The following SYT10 variants were observed in gnomAD, a reference collection of about 807,000 sequenced individuals.
SYT10 encodes the protein synaptotagmin-10.
A neutral mutation model predicts 51.1 loss-of-function variants in SYT10; 31 were observed. That is an observed-to-expected ratio of 0.61 (90% CI 0.46 to 0.82). The LOEUF (loss-of-function observed/expected upper bound fraction) is 0.82. SYT10 is among the 40% of genes least tolerant of loss of function. The pLI is 0.00. For missense variants in SYT10, 603 were observed against 634.0 expected (o/e 0.95, Z 0.53); for synonymous variants, 233 against 225.9 (o/e 1.03, Z -0.28).
intron 6 of SYT10, among the ~76,000 whole-genome samples, chr12:33,378,814 CTGTGTGTGTGTGTGTG>C (rs56373564): frequency 6.9e-6 from 1 of 145,182 alleles, no homozygotes; most frequent in South Asian, 2.2e-4. Context: ...GACTGGGTAT[CTGTGTGTGTGTGTGTG>C]TGTGTGTGTG....
chr12:33,377,562 C>T (rs547254066), intron 6 of SYT10, among the ~76,000 whole-genome samples: 1 of 151,932 alleles, frequency 6.6e-6, no homozygotes, highest in East Asian at 1.9e-4. Flanking sequence ...TATGTATTTA[C>T]AAAGTTTAAT....
intron 4 of SYT10, among the ~76,000 whole-genome samples, chr12:33,382,844 A>G (rs1419495010): frequency 6.6e-6 from 1 of 152,216 alleles, no homozygotes; most frequent in Admixed American, 6.5e-5. Flanking sequence ...AAAAGGACCT[A>G]AAATTAAAAA....
At chr12:33,396,884 C>A (rs1565493243) in intron 3 of SYT10, among the ~76,000 whole-genome samples, 1 of 152,126 alleles carries the variant, frequency 6.6e-6, no homozygotes, top group Non-Finnish European at 1.5e-5. Flanking sequence ...GTGATCCACT[C>A]ACCTCGGCCT....
intron 2 of SYT10, among the ~76,000 whole-genome samples, chr12:33,419,272 G>A (rs1466351550): frequency 6.6e-6 from 1 of 152,130 alleles, no homozygotes; most frequent in East Asian, 1.9e-4. Flanking sequence ...AAGAATGTGT[G>A]TGTGTGGGGG....
rs577135268 is a variant in SYT10 at position 33,390,159 on chromosome 12, G to A, written c.1078-4868C>T. Among the ~76,000 whole-genome samples the A allele has an allele frequency of 9.2e-5, 14 of 152,318 alleles. 1 individual carries two copies. The South Asian group carries it at 2.7e-3, about 29-fold the overall frequency. ...GGCTTTGTTTGCTATAGTCCTGGCG[G>A]AGCCTCCTTGAAAAGACCACAAACA... is the stretch of plus-strand genomic sequence containing the variant. On this transcript the variant is annotated intron_variant, in intron 3 of 6. Transcript: ENST00000228567.
chr12:33,423,897 T>C, intron 2 of SYT10: 1 of 454,436 alleles, frequency 2.2e-6, no homozygotes, highest in South Asian at 1.6e-5. Context: ...TGGGGATAAT[T>C]AATAATACTT....
chr12:33,423,114 A>G (rs578176736), intron 2 of SYT10, among the ~76,000 whole-genome samples: 1 of 152,272 alleles, frequency 6.6e-6, no homozygotes. Context: ...AAAGGAGATG[A>G]TAACTTGAAA....
chr12:33,409,920 T>C (rs773385785), intron 2 of SYT10, among the ~76,000 whole-genome samples: 1 of 152,194 alleles, frequency 6.6e-6, no homozygotes, highest in East Asian at 1.9e-4. Flanking sequence ...AGGACTGTCA[T>C]GACAGCATTT....
chr12:33,385,524 C>CA (rs1465353970), intron 3 of SYT10, among the ~76,000 whole-genome samples: 1 of 152,220 alleles, frequency 6.6e-6, no homozygotes, highest in Non-Finnish European at 1.5e-5. Flanking sequence ...ATAGTCAAAA[C>CA]CAGACTACTG....
intron 1 of SYT10, among the ~76,000 whole-genome samples, chr12:33,435,006 A>T (rs576075090): frequency 2.0e-5 from 3 of 152,310 alleles, no homozygotes; most frequent in Admixed American, 6.5e-5. Flanking sequence ...AATGATTTTC[A>T]TTGGCATTGG....
At chr12:33,378,705 A>G (rs2138379239) in intron 6 of SYT10, among the ~76,000 whole-genome samples, 1 of 152,334 alleles carries the variant, frequency 6.6e-6, no homozygotes, top group Non-Finnish European at 1.5e-5. Context: ...TGTACTTTAG[A>G]CAACATCCAC....
At position 33,407,030 on chromosome 12, in the gene SYT10, C is replaced by G; in HGVS notation, c.836G>C (p.Arg279Thr). The G allele has an allele frequency of 6.2e-7, 1 of 1,614,118 alleles. No individual in the cohort carries two copies. ...CACGCGGGTCTGAAATTTCTTTTTCCTATCTGGAAGAAGATACATCTTCAC... is the reference window on the plus strand; with the variant it reads ...CACGCGGGTCTGAAATTTCTTTTTCGTATCTGGAAGAAGATACATCTTCAC... ...PYVKMYLLPD[R>T]KKKFQTRVHR... Residue 279 changes from arginine (R) to threonine (T), a missense_variant, in exon 3 of 7, where the codon AGG becomes ACG. Arg to Thr is a moderately conservative substitution (Grantham distance 71). Coordinates refer to ENST00000228567, the MANE Select transcript of SYT10 (RefSeq NM_198992.4).
intron 2 of SYT10, among the ~76,000 whole-genome samples, chr12:33,423,434 G>C (rs1866523262): frequency 1.3e-5 from 2 of 151,998 alleles, no homozygotes; most frequent in Admixed American, 1.3e-4. Flanking sequence ...TTATAATAAT[G>C]TACCCTTGAT....
chr12:33,431,074 T>C (rs2138437709), intron 1 of SYT10, among the ~76,000 whole-genome samples: 1 of 152,302 alleles, frequency 6.6e-6, no homozygotes, highest in Non-Finnish European at 1.5e-5. Context: ...TTTGCTCTAC[T>C]ATTCAAAGGT....
chr12:33,438,219 C>T (rs1479795141), intron 1 of SYT10, among the ~76,000 whole-genome samples: 1 of 152,180 alleles, frequency 6.6e-6, no homozygotes, highest in Non-Finnish European at 1.5e-5. Context: ...GCTTGGCTGT[C>T]CAGCTCTTGT....
At chr12:33,420,232 G>C (rs1387266569) in intron 2 of SYT10, among the ~76,000 whole-genome samples, 1 of 152,024 alleles carries the variant, frequency 6.6e-6, no homozygotes, top group African/African-American at 2.4e-5. Flanking sequence ...TCTAAATTGT[G>C]GTCTTTATTA....
chr12:33,391,226 C>T lies in SYT10; in HGVS notation c.1078-5935G>A, dbSNP rs572638546. Reference sequence around the variant, plus strand: ...TGCTAGGATTACAGGCGTGAGCCAACGCCTGGCTGCTTTTTATTTTATTTT... The same window carrying T: ...TGCTAGGATTACAGGCGTGAGCCAATGCCTGGCTGCTTTTTATTTTATTTT... On this transcript the variant is annotated intron_variant, in intron 3 of 6. Coordinates refer to ENST00000228567, the MANE Select transcript of SYT10 (RefSeq NM_198992.4). Among the ~76,000 whole-genome samples, 543 of 145,026 alleles carry T rather than the reference C, an allele frequency of 3.7e-3. 1 individual carries two copies. The highest frequency in any genetic ancestry group is 0.013 in the African/African-American group (511 of 37,862).
Position 33,379,867 on chromosome 12 carries a change from G to C in SYT10, c.1465C>G (p.Arg489Gly), listed in dbSNP as rs779412084. 1.2e-6 allele frequency: 2 copies of C among 1,613,762 alleles called. No homozygotes were observed. Among genetic ancestry groups the C allele is most frequent in the African/African-American group, 1.3e-5 (1 of 74,868 alleles). ...GGGTGCCAGTGCGTTATTGGTTTTC[G>C]ATGATAGGCCAGCATTTCATTCCAG... ...DHWNEMLAYHRKPITHWHPLL... is the reference protein window; with the variant it reads ...DHWNEMLAYHGKPITHWHPLL... Residue 489 changes from arginine (R) to glycine (G), a missense_variant, in exon 6 of 7, where the codon CGA becomes GGA. Physicochemically the swap from Arg to Gly is moderately radical, Grantham distance 125. Coordinates refer to ENST00000228567, the MANE Select transcript of SYT10 (RefSeq NM_198992.4).
Position 33,376,636 on chromosome 12 carries a change from ATATG to A in SYT10, c.*190_*193del. On this transcript the variant is annotated 3_prime_UTR_variant, in exon 7 of 7. Coordinates refer to ENST00000228567, the MANE Select transcript of SYT10 (RefSeq NM_198992.4). ...AAAATGCCTTATGCAACTAAGGACT[ATATG>A]TATTCAAGTAAAATGTATTGATGTT... 1 of 610,812 alleles carries A rather than the reference ATATG, an allele frequency of 1.6e-6. No homozygotes were observed. Among genetic ancestry groups the A allele is most frequent in the Non-Finnish European group, 2.8e-6 (1 of 350,998 alleles). The allele number at this position is 610,812 out of a possible 1,614,324, so 37.8% of individuals were successfully genotyped here.
Sources: gnomAD v4.1 joint callset for allele counts (sites outside exome capture counted in the v4.1 genomes callset) on GRCh38, gnomAD v4.1.1 for gene constraint, MANE v1.5 for transcripts, NCBI Gene and HGNC (gene_info 2026-07-23, HGNC 2026-07-21) for gene names.